Variants in CYP46A1 observed in about 807,000 individuals in gnomAD.
CYP46A1 encodes cytochrome P450 family 46 subfamily A member 1.
CYP46A1 carries 20 observed loss-of-function variants against 63.3 expected under a neutral mutation model. The ratio of observed to expected loss-of-function variants is 0.32; its 90% CI spans 0.22 to 0.46. The LOEUF is 0.46. Ranked by LOEUF, CYP46A1 falls within the 20% of genes least tolerant of loss-of-function variation. The probability of loss-of-function intolerance (pLI) is 1.00; values close to 1 mark genes in which losing one functional copy is unlikely to be tolerated. For missense variants in CYP46A1, 445 were observed against 670.8 expected, an observed-to-expected ratio of 0.66 and a Z score of 3.72; for synonymous variants, 268 against 273.6, an observed-to-expected ratio of 0.98 and a Z score of 0.20.
intron 3 of CYP46A1, among the ~76,000 whole-genome samples, chr14:99,692,449 G>C (rs2140114314): frequency 1.3e-5 from 2 of 152,316 alleles, no homozygotes; most frequent in South Asian, 4.1e-4. Flanking sequence ...TGAGGCAGGA[G>C]AATCACTTGA....
chr14:99,726,812 C>A lies in CYP46A1; in HGVS notation c.*85C>A. Reference sequence around the variant, plus strand: ...GCCCACGGCCACCCACCCTTCTCCCCTGCCCCGTCCCCTGGGCCACCCTTC... The same window carrying A: ...GCCCACGGCCACCCACCCTTCTCCCATGCCCCGTCCCCTGGGCCACCCTTC... On this transcript the variant is annotated 3_prime_UTR_variant, in exon 15 of 15. Coordinates refer to ENST00000261835, the MANE Select transcript of CYP46A1 (RefSeq NM_006668.2). 1 of 1,170,192 alleles carries A rather than the reference C, an allele frequency of 8.5e-7. No individual in the cohort carries two copies. The allele number at this position is 1,170,192 out of a possible 1,614,324, so 72.5% of individuals were successfully genotyped here.
intron 5 of CYP46A1, among the ~76,000 whole-genome samples, chr14:99,701,369 A>G (rs2056629053): frequency 6.6e-6 from 1 of 152,220 alleles, no homozygotes; most frequent in East Asian, 1.9e-4. Context: ...CAGGTGGACC[A>G]TTTAAAAAAA....
At chr14:99,726,118 C>T (rs2056893921) in intron 13 of CYP46A1, 72 bp from the exon 14 acceptor site, 1 of 1,385,718 alleles carries the variant, frequency 7.2e-7, no homozygotes, top group Non-Finnish European at 1.0e-6. Context: ...GGGTTAACTA[C>T]TGTCTTCCTT....
At chr14:99,687,306 T>C (rs2056502884) in intron 1 of CYP46A1, among the ~76,000 whole-genome samples, 1 of 152,230 alleles carries the variant, frequency 6.6e-6, no homozygotes, top group South Asian at 2.1e-4. Context: ...GATGTAAACT[T>C]GACAATGAAA....
At chr14:99,720,824 C>G (rs1363622838) in intron 10 of CYP46A1, among the ~76,000 whole-genome samples, 1 of 152,114 alleles carries the variant, frequency 6.6e-6, no homozygotes, top group Non-Finnish European at 1.5e-5. Context: ...TGGCTCATGC[C>G]TGTAATCCCA....
intron 7 of CYP46A1, among the ~76,000 whole-genome samples, chr14:99,714,492 G>A (rs1008474814): frequency 6.6e-6 from 1 of 152,112 alleles, no homozygotes; most frequent in East Asian, 1.9e-4. Context: ...TGGGTGTGGC[G>A]GTTCATGCCT....
At chr14:99,685,517 C>G (rs963956672) in intron 1 of CYP46A1, among the ~76,000 whole-genome samples, 2 of 151,884 alleles carry the variant, frequency 1.3e-5, no homozygotes, top group Admixed American at 1.3e-4. Flanking sequence ...ACTGTCTCCC[C>G]CTCTAGAATG....
At chr14:99,686,478 C>G (rs1010081764) in intron 1 of CYP46A1, among the ~76,000 whole-genome samples, 1 of 152,142 alleles carries the variant, frequency 6.6e-6, no homozygotes, top group South Asian at 2.1e-4. Flanking sequence ...AAAGAAACCC[C>G]GTACCCATTA....
chr14:99,723,648 T>C (rs2056869710), intron 12 of CYP46A1, among the ~76,000 whole-genome samples: 1 of 152,248 alleles, frequency 6.6e-6, no homozygotes. Flanking sequence ...TAATCTTTTG[T>C]CTGGTATGTT....
At chr14:99,704,130 A>G (rs1367956369) in intron 5 of CYP46A1, among the ~76,000 whole-genome samples, 4 of 152,238 alleles carry the variant, frequency 2.6e-5, no homozygotes, top group Non-Finnish European at 5.9e-5. Flanking sequence ...GTGCTTTCAC[A>G]GACATTTTTA....
intron 7 of CYP46A1, among the ~76,000 whole-genome samples, chr14:99,715,377 C>A (rs1347388254): frequency 3.9e-5 from 6 of 152,220 alleles, no homozygotes; most frequent in African/African-American, 1.4e-4. Context: ...AAGGTGATAG[C>A]TGAGTTCATC....
chr14:99,699,227 C>A (rs1000264443), intron 3 of CYP46A1, among the ~76,000 whole-genome samples: 35 of 152,124 alleles, frequency 2.3e-4, no homozygotes, highest in Non-Finnish European at 4.4e-5. Flanking sequence ...GCCCTCCCCA[C>A]GCTCTCTGAC....
Position 99,726,585 on chromosome 14 carries a change from T to G in CYP46A1, c.1361T>G (p.Leu454Arg). The G allele has an allele frequency of 6.3e-7, 1 of 1,594,004 alleles. No homozygotes were observed. ...GAGGTGAAGGTGGTCATGGCAAAGCTGCTGCAGAGGCTGGAGTTCCGGCTG... is the reference window on the plus strand; with the variant it reads ...GAGGTGAAGGTGGTCATGGCAAAGCGGCTGCAGAGGCTGGAGTTCCGGCTG... The part of the protein sequence containing the change: ...QMEVKVVMAK[L>R]LQRLEFRLVP... Residue 454 changes from leucine to arginine, a missense_variant, in exon 15 of 15, where the codon CTG becomes CGG. Physicochemically the swap from Leu to Arg is moderately radical, Grantham distance 102. Transcript: ENST00000261835.
chr14:99,689,285 A>C (rs1245147740), intron 1 of CYP46A1, among the ~76,000 whole-genome samples: 1 of 152,158 alleles, frequency 6.6e-6, no homozygotes, highest in Non-Finnish European at 1.5e-5. Context: ...TAAGAAATGA[A>C]GTGTAAGTAG....
chr14:99,726,715 A>C lies in CYP46A1; in HGVS notation c.1491A>C (p.Pro497=). 7.3e-6 allele frequency: 11 copies of C among 1,509,066 alleles called. No individual in the cohort carries two copies. Among genetic ancestry groups the C allele is most frequent in the Middle Eastern group, 2.3e-4 (1 of 4,426 alleles). 93.5% of individuals were successfully genotyped at this position (1,509,066 alleles called of 1,614,324 possible). Residue 497 remains proline (P), a synonymous_variant, in exon 15 of 15, where the codon CCA becomes CCC. Transcript: ENST00000261835. ...GCGGCTGGCAGCCCGCACCCCCACCACCCCCCTGCTGAGGGGGCCTCCAGG... is the reference window on the plus strand; with the variant it reads ...GCGGCTGGCAGCCCGCACCCCCACCCCCCCCCTGCTGAGGGGGCCTCCAGG... ...RPRGWQPAPP[P]PPC
intron 5 of CYP46A1, chr14:99,706,261 G>C (rs2056674798): frequency 5.8e-6 from 1 of 172,124 alleles, no homozygotes; most frequent in South Asian, 1.5e-4. Flanking sequence ...CAGGTAAGGA[G>C]AGCAGGCAAC....
intron 9 of CYP46A1, among the ~76,000 whole-genome samples, chr14:99,716,440 G>T (rs536923239): frequency 6.6e-6 from 1 of 152,350 alleles, no homozygotes; most frequent in Non-Finnish European, 1.5e-5. Flanking sequence ...GCTCCAGAGA[G>T]CTTGGCTGTG....
intron 13 of CYP46A1, 49 bp from the exon 14 acceptor site, chr14:99,726,141 T>G (rs751992799): frequency 1.3e-6 from 2 of 1,529,164 alleles, no homozygotes; most frequent in Non-Finnish European, 1.8e-6. Flanking sequence ...GTTGTTCCTG[T>G]GGGGACGCCT....
chr14:99,691,421 G>T (rs922129272), intron 2 of CYP46A1: 4 of 583,716 alleles, frequency 6.9e-6, no homozygotes, highest in South Asian at 2.2e-5. Flanking sequence ...TGGGTGGGGG[G>T]GTGTGACCAG....
Sources: gnomAD v4.1 joint callset for allele counts (sites outside exome capture counted in the v4.1 genomes callset) on GRCh38, gnomAD v4.1.1 for gene constraint, MANE v1.5 for transcripts, NCBI Gene and HGNC (gene_info 2026-07-23, HGNC 2026-07-21) for gene names.